The following LPP variants were observed in gnomAD, a reference collection of about 807,000 sequenced individuals.
LPP encodes LIM domain containing preferred translocation partner in lipoma, also known as lipoma-preferred partner.
LPP carries 38 observed loss-of-function variants against 60.4 expected under a neutral mutation model. That is an observed-to-expected ratio of 0.63 (90% CI 0.49 to 0.83). The LOEUF (loss-of-function observed/expected upper bound fraction) is 0.83, where lower values mean the gene tolerates loss of function less well. Ranked by LOEUF, LPP falls within the 40% of genes least tolerant of loss-of-function variation. The pLI, the probability that LPP is intolerant of heterozygous loss-of-function variation, is 0.00. For missense variants in LPP, 902 were observed against 783.6 expected, an observed-to-expected ratio of 1.15 and a Z score of -1.80; for synonymous variants, 328 against 290.8, an observed-to-expected ratio of 1.13 and a Z score of -1.30.
chr3:188,431,763 C>T (rs2149157484), intron 4 of LPP, among the ~76,000 whole-genome samples: 1 of 152,238 alleles, frequency 6.6e-6, no homozygotes, highest in South Asian at 2.1e-4. Context: ...TCTTCACTTC[C>T]TTCCTGCTCT....
intron 9 of LPP, among the ~76,000 whole-genome samples, chr3:188,863,555 C>T (rs759363651): frequency 5.3e-5 from 8 of 152,070 alleles, no homozygotes; most frequent in Non-Finnish European, 1.2e-4. Context: ...TTTCCTTTCT[C>T]GAAGGCTACT....
Position 188,443,515 on chromosome 3 carries a change from C to T in LPP, c.193+37202C>T, listed in dbSNP as rs188026361. ...CTTCAAATGACATATTGTATAGAAG[C>T]GTATCGTAAGTTGTAGGTACTTAAC... On this transcript the variant is annotated intron_variant, in intron 4 of 11. Transcript: ENST00000617246. Among the ~76,000 whole-genome samples the T allele has an allele frequency of 2.8e-4, 43 of 152,278 alleles. 1 individual carries two copies. The East Asian group carries it at 7.9e-3, about 28-fold the overall frequency.
intron 9 of LPP, among the ~76,000 whole-genome samples, chr3:188,761,062 C>A (rs1259156123): frequency 1.3e-5 from 2 of 152,088 alleles, no homozygotes; most frequent in African/African-American, 4.8e-5. Flanking sequence ...TTGTAAATTT[C>A]TTTGCTATCC....
At chr3:188,281,168 T>G (rs1221272197) in intron 2 of LPP, among the ~76,000 whole-genome samples, 4 of 152,302 alleles carry the variant, frequency 2.6e-5, no homozygotes, top group Non-Finnish European at 4.4e-5. Flanking sequence ...TAAATGTGGT[T>G]CTTACTACTG....
At chr3:188,241,387 A>G (rs898811311) in intron 2 of LPP, among the ~76,000 whole-genome samples, 2 of 152,310 alleles carry the variant, frequency 1.3e-5, no homozygotes, top group East Asian at 1.9e-4. Flanking sequence ...ATGCTGTGTT[A>G]GGGATTTAAG....
At chr3:188,717,162 C>T (rs1337114956) in intron 8 of LPP, among the ~76,000 whole-genome samples, 3 of 152,222 alleles carry the variant, frequency 2.0e-5, no homozygotes, top group Non-Finnish European at 2.9e-5. Flanking sequence ...TGCCCTGGGG[C>T]ACAGGCCTAC....
At chr3:188,325,981 C>T (rs1044770200) in intron 2 of LPP, among the ~76,000 whole-genome samples, 7 of 151,916 alleles carry the variant, frequency 4.6e-5, no homozygotes, top group Admixed American at 2.6e-4. Context: ...AGATATATCC[C>T]GGGAGAAAAT....
At position 188,888,221 on chromosome 3, in the gene LPP, G is replaced by A. The variant is rs1257833987; in HGVS notation, c.*13742G>A. 2 of 220,402 alleles carry A rather than the reference G, an allele frequency of 9.1e-6. No homozygotes were observed. Among genetic ancestry groups the A allele is most frequent in the Non-Finnish European group, 1.8e-5 (2 of 109,914 alleles). 13.7% of individuals were successfully genotyped at this position (220,402 alleles called of 1,614,324 possible). A position where few individuals can be genotyped will look rare whatever the true frequency, so the allele number is the denominator to read the frequency against. On this transcript the variant is annotated 3_prime_UTR_variant, in exon 12 of 12. Coordinates refer to ENST00000617246, the MANE Select transcript of LPP (RefSeq NM_001375462.1). ...TTCTCTTTCTCTACAGCTAAGTAAG[G>A]GAATATGTGCAATTATGAGACATAC... is the stretch of plus-strand genomic sequence containing the variant.
At chr3:188,804,958 A>C (rs1023366271) in intron 9 of LPP, among the ~76,000 whole-genome samples, 1 of 152,078 alleles carries the variant, frequency 6.6e-6, no homozygotes, top group African/African-American at 2.4e-5. Flanking sequence ...TATGATAATA[A>C]GACTTTTGTT....
At chr3:188,258,492 C>A (rs1380478285) in intron 2 of LPP, among the ~76,000 whole-genome samples, 2 of 152,032 alleles carry the variant, frequency 1.3e-5, no homozygotes, top group Non-Finnish European at 2.9e-5. Flanking sequence ...CTGGCTAATT[C>A]GTATATTTTG....
chr3:188,167,986 T>C (rs1720511800), intron 1 of LPP, among the ~76,000 whole-genome samples: 1 of 152,246 alleles, frequency 6.6e-6, no homozygotes, highest in African/African-American at 2.4e-5. Flanking sequence ...AGTGGTTTAT[T>C]GTTTGTGTTT....
chr3:188,203,071 TTA>T (rs1444215419), intron 1 of LPP, among the ~76,000 whole-genome samples: 1 of 144,112 alleles, frequency 6.9e-6, no homozygotes, highest in Admixed American at 7.1e-5. Flanking sequence ...TTTATTATAA[TTA>T]TATAATAATT....
chr3:188,804,552 A>C (rs1024813850), intron 9 of LPP, among the ~76,000 whole-genome samples: 1 of 151,804 alleles, frequency 6.6e-6, no homozygotes, highest in Non-Finnish European at 1.5e-5. Flanking sequence ...TAAAAGCCCA[A>C]ATTTCACCAC....
At chr3:188,440,088 T>C (rs1342886284) in intron 4 of LPP, among the ~76,000 whole-genome samples, 1 of 152,202 alleles carries the variant, frequency 6.6e-6, no homozygotes, top group East Asian at 1.9e-4. Flanking sequence ...TCTCTGCAAG[T>C]TCTTTGGTTA....
chr3:188,584,390 G>C (rs1353507837), intron 6 of LPP: 1 of 152,056 alleles, frequency 6.6e-6, no homozygotes, highest in Non-Finnish European at 1.5e-5. Context: ...AACTTTTTCC[G>C]TAGGTTGCGA....
chr3:188,772,263 G>A (rs1736281175), intron 9 of LPP, among the ~76,000 whole-genome samples: 1 of 152,110 alleles, frequency 6.6e-6, no homozygotes, highest in Admixed American at 6.5e-5. Flanking sequence ...GCCATTGGTT[G>A]CCTACCTTCT....
At chr3:188,607,249 C>G (rs1842577552) in intron 6 of LPP, among the ~76,000 whole-genome samples, 1 of 150,876 alleles carries the variant, frequency 6.6e-6, no homozygotes, top group Non-Finnish European at 1.5e-5. Context: ...AAATACCTCA[C>G]TATTAGAGCT....
chr3:188,340,841 G>C (rs1196613738), intron 2 of LPP, among the ~76,000 whole-genome samples: 1 of 152,136 alleles, frequency 6.6e-6, no homozygotes, highest in Non-Finnish European at 1.5e-5. Flanking sequence ...ATATTCTCTT[G>C]CCTAATGTGC....
chr3:188,457,737 A>ATAT (rs200234329), intron 4 of LPP, among the ~76,000 whole-genome samples: 1,391 of 76,048 alleles, frequency 0.018, 39 homozygotes, highest in Admixed American at 0.12. Context: ...CTAAAAAAAA[A>ATAT]AAATATATAT....
Sources: allele counts gnomAD v4.1 joint callset (sites outside exome capture counted in the v4.1 genomes callset), GRCh38; gene constraint gnomAD v4.1.1; transcripts MANE v1.5; gene names NCBI Gene and HGNC (gene_info 2026-07-23, HGNC 2026-07-21).